KCNN2: variants seen among roughly 807,000 people sequenced by gnomAD.
The protein encoded by KCNN2 is potassium calcium-activated channel subfamily N member 2.
KCNN2 carries 24 observed loss-of-function variants against 55.5 expected under a neutral mutation model. That is an observed-to-expected ratio of 0.43 (90% CI 0.31 to 0.61). The LOEUF is 0.61. KCNN2 is among the 20% of genes least tolerant of loss of function. KCNN2 has a pLI of 0.08. For missense variants in KCNN2, 754 were observed against 853.6 expected (o/e 0.88, Z 1.45); for synonymous variants, 431 against 336.1 (o/e 1.28, Z -3.09).
intron 2 of KCNN2, among the ~76,000 whole-genome samples, chr5:114,266,514 A>G (rs865974542): frequency 6.6e-6 from 1 of 152,136 alleles, no homozygotes; most frequent in Non-Finnish European, 1.5e-5. Context: ...GATTGCCAGG[A>G]CTGCATTGTT....
chr5:114,065,997 A>G (rs1750441029), intron 1 of KCNN2, among the ~76,000 whole-genome samples: 1 of 151,790 alleles, frequency 6.6e-6, no homozygotes, highest in Non-Finnish European at 1.5e-5. Context: ...ACATTTTGCA[A>G]TCCAGTCTGA....
chr5:114,471,556 G>A (rs749821519), intron 4 of KCNN2, among the ~76,000 whole-genome samples: 25 of 152,106 alleles, frequency 1.6e-4, no homozygotes, highest in Non-Finnish European at 2.6e-4. Context: ...ATGAGATGAA[G>A]TAAAGAGTAG....
chr5:114,385,825 G>T (rs1268716916), intron 2 of KCNN2, among the ~76,000 whole-genome samples: 9 of 147,432 alleles, frequency 6.1e-5, no homozygotes, highest in South Asian at 2.2e-4. Flanking sequence ...AATTGTTCAG[G>T]TTTTTTTTTT....
chr5:114,270,871 G>C (rs536070531), intron 2 of KCNN2, among the ~76,000 whole-genome samples: 22 of 152,274 alleles, frequency 1.4e-4, no homozygotes, highest in African/African-American at 5.1e-4. Flanking sequence ...TGTGTCCACA[G>C]TTTCTTCCTT....
chr5:114,151,977 C>G (rs1028663701), intron 1 of KCNN2, among the ~76,000 whole-genome samples: 2 of 152,134 alleles, frequency 1.3e-5, no homozygotes, highest in African/African-American at 2.4e-5. Flanking sequence ...TAAGGCAGTG[C>G]CAGATATATT....
intron 2 of KCNN2, among the ~76,000 whole-genome samples, chr5:114,251,873 T>C (rs1754869269): frequency 6.7e-6 from 1 of 148,720 alleles, no homozygotes; most frequent in Admixed American, 6.9e-5. Context: ...TTTTTCTTTT[T>C]CTTTTTCTTT....
intron 1 of KCNN2, among the ~76,000 whole-genome samples, chr5:114,212,734 A>C (rs1003732006): frequency 6.6e-6 from 1 of 151,980 alleles, no homozygotes. Context: ...CATGAAATAT[A>C]TATTTACCTT....
chr5:114,333,088 C>A (rs539847636), intron 2 of KCNN2, among the ~76,000 whole-genome samples: 52 of 152,262 alleles, frequency 3.4e-4, no homozygotes, highest in African/African-American at 1.3e-3. Context: ...GATTCACACC[C>A]TCTAAAAGTT....
chr5:114,310,007 C>A (rs1312601399), intron 2 of KCNN2, among the ~76,000 whole-genome samples: 1 of 152,196 alleles, frequency 6.6e-6, no homozygotes, highest in Non-Finnish European at 1.5e-5. Flanking sequence ...TTACTCCTCT[C>A]AAGTTGCAGG....
chr5:114,436,004 C>T (rs1365807110), intron 3 of KCNN2, among the ~76,000 whole-genome samples: 1 of 152,130 alleles, frequency 6.6e-6, no homozygotes, highest in African/African-American at 2.4e-5. Flanking sequence ...TCTCTGACCA[C>T]CTTGAACTGA....
At chr5:114,254,251 AT>A (rs1264233871) in intron 2 of KCNN2, among the ~76,000 whole-genome samples, 13 of 152,164 alleles carry the variant, frequency 8.5e-5, no homozygotes, top group Non-Finnish European at 1.6e-4. Flanking sequence ...CAGCATTTCT[AT>A]TTTTTTTAAA....
chr5:114,438,937 G>A (rs557233236), intron 3 of KCNN2, among the ~76,000 whole-genome samples: 14 of 152,248 alleles, frequency 9.2e-5, no homozygotes, highest in Non-Finnish European at 1.9e-4. Context: ...ACTTTCTGTG[G>A]TGTCATTATA....
In KCNN2 at chr5:114,452,351, T is replaced by C. The variant is rs187542740; in HGVS notation, c.1638-10698T>C. 9.5e-4 allele frequency among the ~76,000 whole-genome samples: 145 copies of C among 152,344 alleles called. 1 individual carries two copies. Among genetic ancestry groups the C allele is most frequent in the Middle Eastern group, 3.4e-3 (1 of 294 alleles). ...GACACTCATGTCATCATTTTCAATC[T>C]GTTGCATATATTTTTCTTTGATAGG... On this transcript the variant is annotated intron_variant, in intron 3 of 7. Coordinates refer to ENST00000673685, the MANE Select transcript of KCNN2 (RefSeq NM_021614.4).
chr5:114,425,884 A>G (rs2150083896), intron 3 of KCNN2, among the ~76,000 whole-genome samples: 1 of 152,170 alleles, frequency 6.6e-6, no homozygotes, highest in South Asian at 2.1e-4. Flanking sequence ...ATCCTTTTAA[A>G]AAACGTGAAA....
At chr5:114,451,858 C>T (rs916151046) in intron 3 of KCNN2, among the ~76,000 whole-genome samples, 2 of 150,006 alleles carry the variant, frequency 1.3e-5, no homozygotes, top group Non-Finnish European at 3.0e-5. Context: ...GATCACGCCA[C>T]TACACTCCAG....
intron 6 of KCNN2, 85 bp downstream of exon 6, chr5:114,487,262 G>A (rs1747608025): frequency 4.0e-6 from 5 of 1,240,324 alleles, no homozygotes; most frequent in Admixed American, 4.3e-5. Flanking sequence ...TCATAAGGAA[G>A]GAAAAAAGAA....
chr5:114,428,293 T>TA (rs1465071804), intron 3 of KCNN2, among the ~76,000 whole-genome samples: 1 of 152,156 alleles, frequency 6.6e-6, no homozygotes, highest in African/African-American at 2.4e-5. Flanking sequence ...ATAGAAAGAA[T>TA]AAAAATCCCT....
At chr5:114,416,416 C>T (rs977635728) in intron 3 of KCNN2, among the ~76,000 whole-genome samples, 1 of 152,142 alleles carries the variant, frequency 6.6e-6, no homozygotes, top group Non-Finnish European at 1.5e-5. Context: ...GGTGACCTTG[C>T]TGGTTTTTAT....
chr5:114,113,823 G>C (rs577102445), intron 1 of KCNN2, among the ~76,000 whole-genome samples: 2 of 152,208 alleles, frequency 1.3e-5, no homozygotes, highest in East Asian at 3.9e-4. Context: ...CTTCCTCGCA[G>C]GAGGGAGTCT....
Sources: gnomAD v4.1 joint callset for allele counts (sites outside exome capture counted in the v4.1 genomes callset) on GRCh38, gnomAD v4.1.1 for gene constraint, MANE v1.5 for transcripts, NCBI Gene and HGNC (gene_info 2026-07-23, HGNC 2026-07-21) for gene names.